Variants in RMDN1 observed in about 807,000 individuals in gnomAD.
The protein encoded by RMDN1 is regulator of microtubule dynamics 1, also known as regulator of microtubule dynamics protein 1.
In RMDN1, 48 loss-of-function variants were observed where a neutral mutation model predicts 48.9. The ratio of observed to expected loss-of-function variants is 0.98; its 90% CI spans 0.78 to 1.25. The LOEUF is 1.25. RMDN1 is among the 50% of genes most tolerant of loss of function. The pLI, the probability that RMDN1 is intolerant of heterozygous loss-of-function variation, is 0.00. For missense variants in RMDN1, 418 were observed against 373.4 expected, an observed-to-expected ratio of 1.12 and a Z score of -0.98; for synonymous variants, 148 against 132.6, an observed-to-expected ratio of 1.12 and a Z score of -0.80.
Position 86,473,030 on chromosome 8 carries a change from A to C in RMDN1, c.*1278T>G, listed in dbSNP as rs964258776. ...ATGCAGGTATTCCAAAATTTGGAAA[A>C]ACATCCCAAATCCAAGATGCTTCTA... On this transcript the variant is annotated 3_prime_UTR_variant, in exon 10 of 10. Coordinates refer to ENST00000406452, the MANE Select transcript of RMDN1 (RefSeq NM_016033.3). 4.6e-6 allele frequency: 4 copies of C among 862,416 alleles called. No individual in the cohort carries two copies. The highest frequency in any genetic ancestry group is 1.2e-4 in the Admixed American group (2 of 16,106). The allele number at this position is 862,416 out of a possible 1,614,324, so 53.4% of individuals were successfully genotyped here. A position where few individuals can be genotyped will look rare whatever the true frequency, so the allele number is the denominator to read the frequency against.
At chr8:86,507,668 C>T (rs182996910) in intron 1 of RMDN1, among the ~76,000 whole-genome samples, 18 of 150,768 alleles carry the variant, frequency 1.2e-4, no homozygotes, top group Admixed American at 1.1e-3. Flanking sequence ...CATCATTGTT[C>T]CAATTTGAAA....
At chr8:86,507,304 C>T (rs1819529690) in intron 1 of RMDN1, among the ~76,000 whole-genome samples, 192 bp from the exon 2 acceptor site, 1 of 152,144 alleles carries the variant, frequency 6.6e-6, no homozygotes, top group African/African-American at 2.4e-5. Flanking sequence ...AAGATATCCC[C>T]TGGAGTCGCC....
At chr8:86,487,430 A>G (rs1195294161) in intron 3 of RMDN1, among the ~76,000 whole-genome samples, 1 of 152,030 alleles carries the variant, frequency 6.6e-6, no homozygotes, top group African/African-American at 2.4e-5. Flanking sequence ...ATGTACTAAA[A>G]ATACAAAATT....
In RMDN1 at chr8:86,507,029, G is replaced by A. The variant is rs1158287824; in HGVS notation, c.213C>T (p.Ile71=). The A allele has an allele frequency of 6.2e-7, 1 of 1,611,382 alleles. No individual in the cohort carries two copies. Among genetic ancestry groups the A allele is most frequent in the Admixed American group, 1.7e-5 (1 of 60,018 alleles). The change falls in exon 2 of 10, where the codon ATC becomes ATT. Residue 71 remains isoleucine, a synonymous_variant. Transcript: ENST00000406452. ...SYLGFETYQV[I]SQAAVVHATA... is the part of the protein sequence containing the mutation. ...TGGCATGAACCACAGCAGCCTGAGA[G>A]ATAACCTGGTAAGTTTCAAAACCCA... is the stretch of plus-strand genomic sequence containing the variant.
intron 2 of RMDN1, among the ~76,000 whole-genome samples, chr8:86,491,481 G>A (rs975193821): frequency 1.2e-4 from 18 of 152,062 alleles, no homozygotes; most frequent in African/African-American, 4.1e-4. Context: ...ATAGGCACTC[G>A]GGTGAGAGCT....
upstream of RMDN1, among the ~76,000 whole-genome samples, chr8:86,512,664 A>C (rs184941846): frequency 6.6e-6 from 1 of 152,248 alleles, no homozygotes; most frequent in Non-Finnish European, 1.5e-5. Context: ...TTAAGATTCA[A>C]CCGTCCTCTA....
At chr8:86,501,005 A>G (rs548324539) in intron 2 of RMDN1, among the ~76,000 whole-genome samples, 192 of 152,296 alleles carry the variant, frequency 1.3e-3, no homozygotes, top group South Asian at 0.011. Context: ...CTGAGTACAC[A>G]TGGACACAAA....
rs1346761358 is a variant in RMDN1, at chr8:86,508,494, C to G, written c.127G>C (p.Glu43Gln). 1 of 1,547,862 alleles carries G rather than the reference C, an allele frequency of 6.5e-7. No individual in the cohort carries two copies. The highest frequency in any genetic ancestry group is 1.4e-5 in the African/African-American group (1 of 73,172). The change falls in exon 1 of 10, where the codon GAG becomes CAG. Residue 43 changes from glutamate (E) to glutamine (Q), a missense_variant and splice_region_variant. Glu to Gln is a conservative substitution (Grantham distance 29). Transcript: ENST00000406452. ...HCGPCRFRGFEVMGNPGTFKR... is the reference protein window; with the variant it reads ...HCGPCRFRGFQVMGNPGTFKR... Reference sequence around the variant, plus strand: ...GGGAGCCAGGACCACGGGGGTACCTCGAAGCCGCGGAATCGACAGGGGCCG... The same window carrying G: ...GGGAGCCAGGACCACGGGGGTACCTGGAAGCCGCGGAATCGACAGGGGCCG...
intron 5 of RMDN1, chr8:86,481,714 G>A: frequency 1.7e-6 from 1 of 597,258 alleles, no homozygotes; most frequent in Non-Finnish European, 2.7e-6. Context: ...GTCTCTGTCA[G>A]GCCAAGAAGG....
chr8:86,474,174 A>AAT lies in RMDN1; in HGVS notation c.*133_*134insAT. The AAT allele has an allele frequency of 7.0e-7, 1 of 1,429,706 alleles. No individual in the cohort carries two copies. Among genetic ancestry groups the AAT allele is most frequent in the Non-Finnish European group, 9.1e-7 (1 of 1,093,030 alleles). 88.6% of individuals were successfully genotyped at this position (1,429,706 alleles called of 1,614,324 possible). On this transcript the variant is annotated 3_prime_UTR_variant, in exon 10 of 10. Coordinates refer to ENST00000406452, the MANE Select transcript of RMDN1 (RefSeq NM_016033.3). ...TATTATTTGTGAAGAAGCCTAGAAT[A>AAT]TTTTATATTTACACGGTTAAATGGT...
chr8:86,509,435 A>C (rs1819922404), upstream of RMDN1, among the ~76,000 whole-genome samples: 1 of 152,140 alleles, frequency 6.6e-6, no homozygotes, highest in African/African-American at 2.4e-5. Flanking sequence ...GAAATTTTGG[A>C]TCCTACTTGA....
rs1422336408 is a variant in RMDN1 at position 86,488,614 on chromosome 8, G to A, written c.273C>T (p.Asp91=). 6.2e-7 allele frequency: 1 copy of A among 1,609,474 alleles called. No individual in the cohort carries two copies. The highest frequency in any genetic ancestry group is 1.3e-5 in the African/African-American group (1 of 74,708). The change falls in exon 3 of 10, where the codon GAC becomes GAT. Residue 91 remains aspartate, a synonymous_variant. Transcript: ENST00000406452. ...AKVEEILEQA[D]YLYESGETEK... is the part of the protein sequence containing the mutation. ...CTGTTTCTCCGCTTTCATACAGGTA[G>A]TCTGCTTGTTCAAGTATTTCTTCAA...
In RMDN1 at chr8:86,505,865, G is replaced by A. The variant is rs954412235; in HGVS notation, c.247+1130C>T. On this transcript the variant is annotated intron_variant, in intron 2 of 9. Coordinates refer to ENST00000406452, the MANE Select transcript of RMDN1 (RefSeq NM_016033.3). ...TCTTGACAATTTCTGTCCTTCAGATGGAAACTCTTAATTTCCCATAAAAGT... is the reference window on the plus strand; with the variant it reads ...TCTTGACAATTTCTGTCCTTCAGATAGAAACTCTTAATTTCCCATAAAAGT... Among the ~76,000 whole-genome samples, 5 of 110,834 alleles carry A rather than the reference G, an allele frequency of 4.5e-5. No homozygotes were observed. In the Admixed American group the frequency reaches 5.5e-4, roughly 12 times the overall value. 72.7% of individuals were successfully genotyped at this position (110,834 alleles called of 152,430 possible). A position where few individuals can be genotyped will look rare whatever the true frequency, so the allele number is the denominator to read the frequency against.
chr8:86,509,963 A>G (rs1819960171), upstream of RMDN1, among the ~76,000 whole-genome samples: 1 of 152,180 alleles, frequency 6.6e-6, no homozygotes, highest in South Asian at 2.1e-4. Context: ...TGTTTATGCC[A>G]CTGGATACCA....
chr8:86,497,993 G>A (rs954671513), intron 2 of RMDN1, among the ~76,000 whole-genome samples: 1 of 152,102 alleles, frequency 6.6e-6, no homozygotes. Context: ...CTACTCGGGA[G>A]GCTGAGGCAT....
At chr8:86,481,955 T>C (rs1317271724) in intron 5 of RMDN1, 4 of 857,338 alleles carry the variant, frequency 4.7e-6, no homozygotes, top group Non-Finnish European at 7.7e-6. Context: ...GCTTGTCATC[T>C]TGCTGCAAGC....
At chr8:86,475,320 C>T (rs1488776666) in intron 8 of RMDN1, among the ~76,000 whole-genome samples, 4 of 152,058 alleles carry the variant, frequency 2.6e-5, no homozygotes, top group African/African-American at 7.2e-5. Context: ...CACGTGCCTA[C>T]AACAGTGTGT....
chr8:86,504,517 CGT>C (rs1818950741), intron 2 of RMDN1: 1 of 1,468,842 alleles, frequency 6.8e-7, no homozygotes, highest in South Asian at 1.1e-5. Context: ...CATTGGTGCA[CGT>C]GTGTTTAATA....
At chr8:86,508,181 G>A (rs903009631) in intron 1 of RMDN1, 1 of 327,790 alleles carries the variant, frequency 3.1e-6, no homozygotes, top group African/African-American at 2.2e-5. Flanking sequence ...CCTACAGGGA[G>A]AATAATTTCA....
Sources: allele counts gnomAD v4.1 joint callset (sites outside exome capture counted in the v4.1 genomes callset), GRCh38; gene constraint gnomAD v4.1.1; transcripts MANE v1.5; gene names NCBI Gene and HGNC (gene_info 2026-07-23, HGNC 2026-07-21).